MRTFB: variants seen among roughly 807,000 people sequenced by gnomAD.
MRTFB encodes myocardin-related transcription factor B.
A neutral mutation model predicts 104.2 loss-of-function variants in MRTFB; 29 were observed. The ratio of observed to expected loss-of-function variants is 0.28; its 90% CI spans 0.21 to 0.38. The LOEUF (loss-of-function observed/expected upper bound fraction) is 0.38, where lower values mean the gene tolerates loss of function less well. Among genes scored for constraint, MRTFB ranks in the 10% least tolerant of loss-of-function variants. The pLI, the probability that MRTFB is intolerant of heterozygous loss-of-function variation, is 1.00. For synonymous variants in MRTFB, 535 were observed against 519.5 expected (o/e 1.03, Z -0.41); for missense variants, 1,270 against 1,341.6 (o/e 0.95, Z 0.83).
intron 16 of MRTFB, 136 bp from the exon 17 acceptor site, chr16:14,260,773 C>G: frequency 1.5e-6 from 1 of 688,570 alleles, no homozygotes; most frequent in South Asian, 2.0e-5. Context: ...TGACCAATAG[C>G]ATTCTCTTCC....
At chr16:14,105,749 A>G (rs1363159084) in intron 2 of MRTFB, among the ~76,000 whole-genome samples, 1 of 152,188 alleles carries the variant, frequency 6.6e-6, no homozygotes, top group Non-Finnish European at 1.5e-5. Flanking sequence ...TCCTTTTGTC[A>G]ATGAAAACTC....
the MRTFB span, among the ~76,000 whole-genome samples, chr16:14,038,826 G>C: frequency 6.6e-6 from 1 of 152,318 alleles, no homozygotes; most frequent in African/African-American, 2.4e-5. Flanking sequence ...TAAAGAAAAA[G>C]AGGTTTAATG....
chr16:14,172,540 A>C (rs2039456669), intron 3 of MRTFB, among the ~76,000 whole-genome samples: 1 of 152,130 alleles, frequency 6.6e-6, no homozygotes, highest in Non-Finnish European at 1.5e-5. Flanking sequence ...CTGTCAGGTA[A>C]ATTCCTAGAG....
At chr16:14,098,643 A>G (rs2035528312) in intron 2 of MRTFB, among the ~76,000 whole-genome samples, 1 of 152,208 alleles carries the variant, frequency 6.6e-6, no homozygotes, top group African/African-American at 2.4e-5. Flanking sequence ...CTGAGGTCAG[A>G]GAAGGTATCT....
At position 14,260,920 on chromosome 16, in the gene MRTFB, C is replaced by G; in HGVS notation, c.2776C>G (p.Pro926Ala). ...ILIKSGEISL[P>A]IKEEPSPISK... ...TTTATTTTACACAGAGATCTCCCTC[C>G]CCATAAAAGAAGAACCTTCTCCTAT... Residue 926 changes from proline (P) to alanine (A), a missense_variant, in exon 17 of 17, where the codon CCC becomes GCC. This residue lies in a region of MRTFB where 1,144 missense variants were observed against 1,131.5 expected (regional missense o/e 1.01). Coordinates refer to ENST00000571589, the MANE Select transcript of MRTFB (RefSeq NM_001308142.2). The G allele has an allele frequency of 6.2e-7, 1 of 1,602,688 alleles. No individual in the cohort carries two copies. Among genetic ancestry groups the G allele is most frequent in the Non-Finnish European group, 8.5e-7 (1 of 1,173,826 alleles).
In MRTFB at chr16:14,129,060, G is replaced by A. The variant is rs183081497; in HGVS notation, c.-63-11484G>A. ...CTTTCACTTAGCATAATGCGTTTGA[G>A]ATTCAGGCATGTTGTTTCACCTATC... On this transcript the variant is annotated intron_variant, in intron 2 of 16. Coordinates refer to ENST00000571589, the MANE Select transcript of MRTFB (RefSeq NM_001308142.2). Among the ~76,000 whole-genome samples, 3 of 152,344 alleles carry A rather than the reference G, an allele frequency of 2.0e-5. No homozygotes were observed. In the East Asian group the frequency reaches 5.8e-4, roughly 29 times the overall value.
chr16:13,996,434 AAGG>A, the MRTFB span, among the ~76,000 whole-genome samples: 9 of 152,322 alleles, frequency 5.9e-5, no homozygotes, highest in South Asian at 1.9e-3. Context: ...TGAAAGGGAC[AAGG>A]TGGTGGTGAG....
intron 3 of MRTFB, chr16:14,153,128 A>C (rs2038697611): frequency 6.6e-6 from 1 of 152,166 alleles, no homozygotes; most frequent in Non-Finnish European, 1.5e-5. Flanking sequence ...TGAAATAATA[A>C]ATTGCTTAAT....
chr16:14,129,817 C>G (rs1328149837), intron 2 of MRTFB, among the ~76,000 whole-genome samples: 1 of 151,994 alleles, frequency 6.6e-6, no homozygotes, highest in African/African-American at 2.4e-5. Context: ...CATATGTCTT[C>G]TTTAGTGAAA....
At chr16:14,031,968 C>A in the MRTFB span, among the ~76,000 whole-genome samples, 11 of 152,146 alleles carry the variant, frequency 7.2e-5, no homozygotes, top group Non-Finnish European at 1.6e-4. Flanking sequence ...CCACCATGCC[C>A]AGCTAATTTT....
chr16:14,053,097 A>G, the MRTFB span, among the ~76,000 whole-genome samples: 1 of 151,854 alleles, frequency 6.6e-6, no homozygotes, highest in African/African-American at 2.4e-5. Context: ...TTGTATATAT[A>G]CATTTTTTTT....
chr16:14,206,563 G>A (rs978911824), intron 3 of MRTFB, among the ~76,000 whole-genome samples: 1 of 152,172 alleles, frequency 6.6e-6, no homozygotes, highest in African/African-American at 2.4e-5. Context: ...CTGTAATTGT[G>A]TGTTTTTGTT....
intron 1 of MRTFB, among the ~76,000 whole-genome samples, chr16:14,078,807 A>G (rs997154865): frequency 7.1e-6 from 1 of 141,400 alleles, no homozygotes; most frequent in Non-Finnish European, 1.5e-5. Flanking sequence ...TTATATAATA[A>G]CATTATAATA....
At chr16:14,070,303 CAAG>C (rs1463648023), upstream of MRTFB, among the ~76,000 whole-genome samples, 4 of 152,322 alleles carry the variant, frequency 2.6e-5, no homozygotes, top group East Asian at 1.9e-4. Context: ...TCCAGGATTG[CAAG>C]AAGATTGGTA....
intron 10 of MRTFB, chr16:14,240,820 A>G (rs774275517): frequency 4.3e-6 from 3 of 695,636 alleles, no homozygotes; most frequent in Non-Finnish European, 5.2e-6. Context: ...TGGCATAAAC[A>G]GCTAAAAGAA....
chr16:14,095,403 G>T (rs1307817546), intron 2 of MRTFB, among the ~76,000 whole-genome samples: 1 of 152,178 alleles, frequency 6.6e-6, no homozygotes, highest in East Asian at 1.9e-4. Flanking sequence ...ACTTAAGCTT[G>T]TTAACACTCT....
intron 8 of MRTFB, among the ~76,000 whole-genome samples, chr16:14,227,740 G>C (rs112580998): frequency 0.028 from 4,303 of 152,180 alleles, 71 homozygotes; most frequent in Middle Eastern, 0.085. Context: ...TCAAACTCCT[G>C]ACCTCATGAT....
intron 2 of MRTFB, among the ~76,000 whole-genome samples, chr16:14,082,778 T>C (rs1383458830): frequency 6.6e-6 from 1 of 152,026 alleles, no homozygotes; most frequent in Non-Finnish European, 1.5e-5. Flanking sequence ...AAGACTGTCT[T>C]AATAAAATAA....
At chr16:14,159,386 A>G (rs1014409264) in intron 3 of MRTFB, among the ~76,000 whole-genome samples, 21 of 152,200 alleles carry the variant, frequency 1.4e-4, no homozygotes, top group Non-Finnish European at 2.9e-4. Flanking sequence ...AAGATGTCCA[A>G]ATAATTTTTT....
Sources: allele counts gnomAD v4.1 joint callset (sites outside exome capture counted in the v4.1 genomes callset), GRCh38; gene constraint gnomAD v4.1.1; regional missense constraint gnomAD v4.1.1; transcripts MANE v1.5; gene names NCBI Gene and HGNC (gene_info 2026-07-23, HGNC 2026-07-21).